Variants in PPP1R13B observed in about 807,000 individuals in gnomAD.
PPP1R13B encodes the protein protein phosphatase 1 regulatory subunit 13B.
Under a neutral mutation model 119.8 loss-of-function variants are expected in PPP1R13B, and 44 were observed. That is an observed-to-expected ratio of 0.37 (90% CI 0.29 to 0.47). The LOEUF is 0.47. PPP1R13B is among the 20% of genes least tolerant of loss of function. The pLI is 0.99. For synonymous variants in PPP1R13B, 542 were observed against 561.5 expected (o/e 0.97, Z 0.49); for missense variants, 1,227 against 1,413.5 (o/e 0.87, Z 2.12).
Position 103,778,809 on chromosome 14 carries a change from G to A in PPP1R13B, c.290C>T (p.Thr97Ile). Residue 97 changes from threonine (T) to isoleucine (I), a missense_variant, in exon 4 of 17, where the codon ACC (threonine) becomes ATC (isoleucine). Coordinates refer to ENST00000202556, the MANE Select transcript of PPP1R13B (RefSeq NM_015316.3). ...TENSEQGGRQ[T>I]QEQRTQRNVI... ...ATTTCTCTGAGTTCGTTGCTCTTGG[G>A]TCTGACGGCCACCTAAAGAAATAAA... The A allele has an allele frequency of 6.2e-7, 1 of 1,613,762 alleles. No homozygotes were observed. The highest frequency in any genetic ancestry group is 1.1e-5 in the South Asian group (1 of 91,058).
intron 9 of PPP1R13B, among the ~76,000 whole-genome samples, chr14:103,743,289 T>C (rs2084305131): frequency 6.6e-6 from 1 of 152,226 alleles, no homozygotes; most frequent in Admixed American, 6.5e-5. Context: ...CTTTAATTAT[T>C]GAGATAAAAA....
At chr14:103,810,761 A>G (rs1047594723) in intron 1 of PPP1R13B, among the ~76,000 whole-genome samples, 3 of 149,880 alleles carry the variant, frequency 2.0e-5, no homozygotes, top group African/African-American at 7.4e-5. Context: ...ACAGAGCGAG[A>G]CTCCATCTCA....
chr14:103,757,868 C>T, intron 4 of PPP1R13B, 117 bp from the exon 5 acceptor site: 6 of 661,426 alleles, frequency 9.1e-6, no homozygotes, highest in Non-Finnish European at 1.5e-5. Context: ...GAGGAGAGTA[C>T]CAACTAGTTT....
Position 103,734,381 on chromosome 14 carries a change from G to C in PPP1R13B, c.*773C>G, listed in dbSNP as rs2084034886. 7 of 390,042 alleles carry C rather than the reference G, an allele frequency of 1.8e-5. No individual in the cohort carries two copies. Among genetic ancestry groups the C allele is most frequent in the South Asian group, 7.4e-5 (4 of 54,122 alleles). The allele number at this position is 390,042 out of a possible 1,614,324, so 24.2% of individuals were successfully genotyped here. ...GCCTCCAGCACCTGACTCCATTCAGGGAACTGAATTTGAGCTTGCAGGGGT... is the reference window on the plus strand; with the variant it reads ...GCCTCCAGCACCTGACTCCATTCAGCGAACTGAATTTGAGCTTGCAGGGGT... On this transcript the variant is annotated 3_prime_UTR_variant, in exon 17 of 17. Transcript: ENST00000202556.
rs189720842 is a variant in PPP1R13B, at chr14:103,739,125, G to C, written c.2593-102C>G. 205 of 1,487,948 alleles carry C rather than the reference G, an allele frequency of 1.4e-4. No homozygotes were observed. In the Admixed American group the frequency reaches 4.2e-3, roughly 30 times the overall value. 92.2% of individuals were successfully genotyped at this position (1,487,948 alleles called of 1,614,324 possible). On this transcript the variant is annotated intron_variant, in intron 12 of 16. Coordinates refer to ENST00000202556, the MANE Select transcript of PPP1R13B (RefSeq NM_015316.3). The stretch of plus-strand genomic sequence containing the variant: ...TGGTGGGAGCTAAAGCCCAAAGACA[G>C]TGGCTCCGCGAAGCAGCCCTGGAGT...
chr14:103,777,636 A>T (rs1403816793), intron 4 of PPP1R13B, among the ~76,000 whole-genome samples: 1 of 152,094 alleles, frequency 6.6e-6, no homozygotes, highest in East Asian at 1.9e-4. Flanking sequence ...ACATGATCTG[A>T]TTCATGGACC....
At chr14:103,765,481 T>C (rs2084916707) in intron 4 of PPP1R13B, among the ~76,000 whole-genome samples, 1 of 152,176 alleles carries the variant, frequency 6.6e-6, no homozygotes. Context: ...CTAAATTCCC[T>C]ATTTCTATGA....
Position 103,737,834 on chromosome 14 carries a change from C to G in PPP1R13B, c.2891G>C (p.Cys964Ser). The G allele has an allele frequency of 6.2e-7, 1 of 1,614,108 alleles. No individual in the cohort carries two copies. Among genetic ancestry groups the G allele is most frequent in the Non-Finnish European group, 8.5e-7 (1 of 1,180,012 alleles). Reference sequence around the variant, plus strand: ...CTGTTTGCAGAGGTGAACGCTGTTACAAGAGGCAGCGCAGTGCAGCGGCGT... The same window carrying G: ...CTGTTTGCAGAGGTGAACGCTGTTAGAAGAGGCAGCGCAGTGCAGCGGCGT... ...GWTPLHCAAS[C>S]NSVHLCKQLV... Residue 964 changes from cysteine to serine, a missense_variant, in exon 15 of 17, where the codon TGT becomes TCT. By Grantham distance (112) the Cys-to-Ser change is moderately radical. Coordinates refer to ENST00000202556, the MANE Select transcript of PPP1R13B (RefSeq NM_015316.3).
At chr14:103,755,235 C>T (rs962134967) in intron 5 of PPP1R13B, among the ~76,000 whole-genome samples, 1 of 152,212 alleles carries the variant, frequency 6.6e-6, no homozygotes, top group Non-Finnish European at 1.5e-5. Context: ...GCAAGTAATA[C>T]ATTTCCTGCT....
chr14:103,844,274 TA>T lies in PPP1R13B; in HGVS notation c.9+3024del, dbSNP rs543799996. 5.0e-3 allele frequency among the ~76,000 whole-genome samples: 640 copies of T among 128,588 alleles called. 4 individuals carry two copies. The highest frequency in any genetic ancestry group is 0.024 in the East Asian group (107 of 4,402). 84.4% of individuals were successfully genotyped at this position (128,588 alleles called of 152,430 possible). A position where few individuals can be genotyped will look rare whatever the true frequency, so the allele number is the denominator to read the frequency against. ...AGGAGTGAAACCCTGTCTCGAAAAA[TA>T]AAAAAAAAAAGAAGGTGGAAAGTCA... On this transcript the variant is annotated intron_variant, in intron 1 of 16. Transcript: ENST00000202556.
rs952170799 is a variant in PPP1R13B, at chr14:103,734,802, A to G, written c.*352T>C. ...ACAGTGTTCACTGCTGGAGGGGGTGATGGCCTCGGGGCCAAGTCAGTAAGA... is the reference window on the plus strand; with the variant it reads ...ACAGTGTTCACTGCTGGAGGGGGTGGTGGCCTCGGGGCCAAGTCAGTAAGA... On this transcript the variant is annotated 3_prime_UTR_variant, in exon 17 of 17. Coordinates refer to ENST00000202556, the MANE Select transcript of PPP1R13B (RefSeq NM_015316.3). 3 of 459,832 alleles carry G rather than the reference A, an allele frequency of 6.5e-6. No homozygotes were observed. Among genetic ancestry groups the G allele is most frequent in the South Asian group, 5.0e-5 (3 of 59,648 alleles). 28.5% of individuals were successfully genotyped at this position (459,832 alleles called of 1,614,324 possible).
chr14:103,834,493 A>T (rs546125063), intron 1 of PPP1R13B, among the ~76,000 whole-genome samples: 1 of 151,968 alleles, frequency 6.6e-6, no homozygotes, highest in Non-Finnish European at 1.5e-5. Context: ...GCTGACTGAC[A>T]GGACACTGCA....
chr14:103,800,751 G>T (rs2085881501), intron 1 of PPP1R13B, among the ~76,000 whole-genome samples: 1 of 152,018 alleles, frequency 6.6e-6, no homozygotes, highest in South Asian at 2.1e-4. Context: ...TACATCTATG[G>T]TCAGATTTTA....
intron 14 of PPP1R13B, 110 bp from the exon 15 acceptor site, chr14:103,737,970 C>T: frequency 2.4e-6 from 3 of 1,235,982 alleles, no homozygotes; most frequent in Non-Finnish European, 2.2e-6. Context: ...CACCTTTGTG[C>T]CATCAAGTCT....
rs759774468 is a variant in PPP1R13B at position 103,740,618 on chromosome 14, A to G, written c.1823-25T>C. 2.0e-6 allele frequency: 3 copies of G among 1,486,170 alleles called. No homozygotes were observed. The highest frequency in any genetic ancestry group is 1.4e-5 in the African/African-American group (1 of 71,592). 92.1% of individuals were successfully genotyped at this position (1,486,170 alleles called of 1,614,324 possible). On this transcript the variant is annotated intron_variant, in intron 11 of 16. Coordinates refer to ENST00000202556, the MANE Select transcript of PPP1R13B (RefSeq NM_015316.3). The surrounding 1 kb of genome is among the most constrained non-coding windows in gnomAD (Gnocchi z 4.6). The stretch of plus-strand genomic sequence containing the variant: ...ACTGGGGAAGACACAAAGGACAGGC[A>G]ATTTTGACCTCACTACAGAGATCTA...
rs977245688 is a variant in PPP1R13B, at chr14:103,734,011, T to G, written c.*1143A>C. ...TGTATTTTAATGAGAAAAAAAAAATTTCCAACATAGTTCGGGTAGCTTTGA... is the reference window on the plus strand; with the variant it reads ...TGTATTTTAATGAGAAAAAAAAAATGTCCAACATAGTTCGGGTAGCTTTGA... On this transcript the variant is annotated 3_prime_UTR_variant, in exon 17 of 17. Transcript: ENST00000202556. 1 of 159,658 alleles carries G rather than the reference T, an allele frequency of 6.3e-6. No homozygotes were observed. The highest frequency in any genetic ancestry group is 1.8e-4 in the East Asian group (1 of 5,600). 9.9% of individuals were successfully genotyped at this position (159,658 alleles called of 1,614,324 possible). A position where few individuals can be genotyped will look rare whatever the true frequency, so the allele number is the denominator to read the frequency against.
At chr14:103,782,130 G>C (rs924889273) in intron 3 of PPP1R13B, among the ~76,000 whole-genome samples, 1 of 151,746 alleles carries the variant, frequency 6.6e-6, no homozygotes, top group African/African-American at 2.4e-5. Context: ...TTCCCCCCAG[G>C]CCAACAACAT....
intron 3 of PPP1R13B, among the ~76,000 whole-genome samples, chr14:103,783,306 C>G (rs1045126876): frequency 4.6e-5 from 7 of 152,020 alleles, no homozygotes; most frequent in African/African-American, 1.7e-4. Context: ...GTCGCCCAGG[C>G]TGGAGTGCAG....
chr14:103,769,093 TTC>T (rs1356226132), intron 4 of PPP1R13B, among the ~76,000 whole-genome samples: 1 of 152,142 alleles, frequency 6.6e-6, no homozygotes, highest in African/African-American at 2.4e-5. Flanking sequence ...TCTTTTTTCT[TTC>T]TGTTTTTTGA....
Sources: gnomAD v4.1 joint callset for allele counts (sites outside exome capture counted in the v4.1 genomes callset) on GRCh38, gnomAD v4.1.1 for gene constraint, Gnocchi (gnomAD v3.1) non-coding constraint, MANE v1.5 for transcripts, NCBI Gene and HGNC (gene_info 2026-07-23, HGNC 2026-07-21) for gene names.